FRA10AC1: variants seen among roughly 807,000 people sequenced by gnomAD.
The protein encoded by FRA10AC1 is protein FRA10AC1.
A neutral mutation model predicts 56.5 loss-of-function variants in FRA10AC1; 43 were observed. That is an observed-to-expected ratio of 0.76 (90% CI 0.60 to 0.98). The LOEUF is 0.98. FRA10AC1 is among the 50% of genes least tolerant of loss of function. The pLI is 0.00. For synonymous variants in FRA10AC1, 112 were observed against 110.5 expected (o/e 1.01, Z -0.09); for missense variants, 346 against 351.8 (o/e 0.98, Z 0.13).
intron 11 of FRA10AC1, 52 bp downstream of exon 11, chr10:93,681,428 A>G (rs2058931714): frequency 8.7e-7 from 1 of 1,149,274 alleles, no homozygotes; most frequent in South Asian, 1.4e-5. Context: ...ATGGCAGATT[A>G]TATTTCATGC....
At chr10:93,695,467 A>G (rs2059216304) in intron 4 of FRA10AC1, among the ~76,000 whole-genome samples, 1 of 151,996 alleles carries the variant, frequency 6.6e-6, no homozygotes, top group African/African-American at 2.4e-5. Context: ...ATCAATTTTT[A>G]TAGTCTTTTA....
At chr10:93,702,630 GT>G (rs2059364586), upstream of FRA10AC1, 1 of 194,226 alleles carries the variant, frequency 5.1e-6, no homozygotes, top group Non-Finnish European at 1.1e-5. Context: ...AAATGGCACC[GT>G]CCCCCGAGTG....
chr10:93,692,673 T>G lies in FRA10AC1; in HGVS notation c.353A>C (p.Asn118Thr). The G allele has an allele frequency of 1.2e-6, 2 of 1,600,254 alleles. No homozygotes were observed. The highest frequency in any genetic ancestry group is 1.7e-6 in the Non-Finnish European group (2 of 1,173,498). The stretch of plus-strand genomic sequence containing the variant: ...AGTCATGTCCATTTCGTCCTCCTCA[T>G]TCCATAGGAATCTATGATTTTCTCG... ...VIRENHRFLW[N>T]EEDEMDMTWE... Residue 118 changes from asparagine (N) to threonine (T), a missense_variant, in exon 6 of 14, where the codon AAT becomes ACT. Coordinates refer to ENST00000359204, the MANE Select transcript of FRA10AC1 (RefSeq NM_145246.5).
chr10:93,690,078 C>T (rs1487829803), intron 7 of FRA10AC1, among the ~76,000 whole-genome samples: 2 of 152,048 alleles, frequency 1.3e-5, no homozygotes, highest in Non-Finnish European at 2.9e-5. Flanking sequence ...CTAAAAGTAT[C>T]TACTATATAT....
At chr10:93,679,370 A>C (rs190397635) in intron 11 of FRA10AC1, among the ~76,000 whole-genome samples, 1 of 152,322 alleles carries the variant, frequency 6.6e-6, no homozygotes, top group Admixed American at 6.5e-5. Flanking sequence ...GTAATAATGG[A>C]AAGTGTCAGG....
chr10:93,694,516 C>T lies in FRA10AC1; in HGVS notation c.296+345G>A, dbSNP rs189010189. On this transcript the variant is annotated intron_variant, in intron 5 of 13. Transcript: ENST00000359204. ...GGATCACAAGGTCACGAGTTCAAGACCAGCCTGGCCAAGATGGTGAAACCC... is the reference window on the plus strand; with the variant it reads ...GGATCACAAGGTCACGAGTTCAAGATCAGCCTGGCCAAGATGGTGAAACCC... 2.9e-3 allele frequency among the ~76,000 whole-genome samples: 440 copies of T among 152,026 alleles called. 4 individuals carry two copies. The highest frequency in any genetic ancestry group is 0.02 in the South Asian group (94 of 4,810).
rs1469081964 is a variant in FRA10AC1, at chr10:93,692,233, G to A, written c.381-140C>T. ...TTACTTACATGTGCATGGAATATCT[G>A]GATATTAACTATTAAAAGTGGTTCA... is the stretch of plus-strand genomic sequence containing the variant. On this transcript the variant is annotated intron_variant, in intron 6 of 13. Coordinates refer to ENST00000359204, the MANE Select transcript of FRA10AC1 (RefSeq NM_145246.5). 1.0e-5 allele frequency: 6 copies of A among 599,978 alleles called. No homozygotes were observed. The African/African-American group carries it at 1.2e-4, about 12-fold the overall frequency. The allele number at this position is 599,978 out of a possible 1,614,324, so 37.2% of individuals were successfully genotyped here.
chr10:93,699,510 C>T (rs1326224), intron 2 of FRA10AC1, among the ~76,000 whole-genome samples: 117,708 of 152,136 alleles, frequency 0.77, 45,719 homozygotes, highest in East Asian at 0.93. Flanking sequence ...CTGCTTATAA[C>T]GCACAGGCTT....
chr10:93,702,922 C>T (rs2059368853), upstream of FRA10AC1: 1 of 445,808 alleles, frequency 2.2e-6, no homozygotes, highest in Admixed American at 2.5e-5. Context: ...TCGGAGGATC[C>T]TCTCAGAGCA....
chr10:93,693,497 T>TACC (rs1554896264), intron 5 of FRA10AC1, among the ~76,000 whole-genome samples: 15 of 54,882 alleles, frequency 2.7e-4, no homozygotes, highest in African/African-American at 6.2e-4. Context: ...TATATATATA[T>TACC]ATATATATAT....
chr10:93,700,403 T>C (rs1037293271), intron 1 of FRA10AC1, among the ~76,000 whole-genome samples: 1 of 152,232 alleles, frequency 6.6e-6, no homozygotes, highest in Non-Finnish European at 1.5e-5. Context: ...AGTGACTGCT[T>C]ACAAGGTTTA....
At chr10:93,685,737 C>CA (rs1203418591) in intron 8 of FRA10AC1, among the ~76,000 whole-genome samples, 73 of 149,710 alleles carry the variant, frequency 4.9e-4, no homozygotes, top group African/African-American at 6.4e-4. Context: ...ATACCCCCCC[C>CA]AAAAAAAAAC....
At chr10:93,699,082 G>A (rs2059284637) in intron 2 of FRA10AC1, among the ~76,000 whole-genome samples, 1 of 152,062 alleles carries the variant, frequency 6.6e-6, no homozygotes, top group Admixed American at 6.6e-5. Flanking sequence ...CCAAAAGACT[G>A]GACACCCTGC....
chr10:93,700,175 A>G (rs1480472021), intron 1 of FRA10AC1, 69 bp from the exon 2 acceptor site: 2 of 910,748 alleles, frequency 2.2e-6, no homozygotes, highest in African/African-American at 3.3e-5. Flanking sequence ...AATAATTCAA[A>G]AATAAGTTAT....
At chr10:93,685,437 T>C (rs1209876537) in intron 8 of FRA10AC1, 78 bp from the exon 9 acceptor site, 7 of 685,278 alleles carry the variant, frequency 1.0e-5, no homozygotes, top group Non-Finnish European at 1.0e-5. Flanking sequence ...ACCCCTAAAA[T>C]GTACTTCTAA....
In FRA10AC1 at chr10:93,698,201, T is replaced by A. The variant is rs373266669; in HGVS notation, c.174-20A>T. On this transcript the variant is annotated intron_variant, in intron 3 of 13. Transcript: ENST00000359204. ...TCTTCCCTGTTAAAACAAATTTTTT[T>A]AAGAAAATTCAAAATGTTTATATTC... The A allele has an allele frequency of 3.2e-6, 5 of 1,559,740 alleles. No individual in the cohort carries two copies. The African/African-American group carries it at 4.1e-5, about 13-fold the overall frequency.
chr10:93,700,148 C>A, intron 1 of FRA10AC1, 42 bp from the exon 2 acceptor site: 1 of 1,096,600 alleles, frequency 9.1e-7, no homozygotes, highest in East Asian at 2.4e-5. Context: ...ATCTATGTTG[C>A]CAATTGTCCA....
intron 11 of FRA10AC1, among the ~76,000 whole-genome samples, chr10:93,677,183 C>T (rs185886079): frequency 5.1e-4 from 77 of 152,022 alleles, no homozygotes; most frequent in African/African-American, 1.8e-3. Flanking sequence ...CTACAATGGT[C>T]ATCCAGTGAG....
rs989772961 is a variant in FRA10AC1, at chr10:93,668,570, C to T, written c.*1256G>A. ...ACTGCTGATAAAGACATACCAGAGA[C>T]TGGGGAAGAAAAAGAGGTTTAATTG... On this transcript the variant is annotated 3_prime_UTR_variant, in exon 14 of 14. Transcript: ENST00000359204. The T allele has an allele frequency of 1.6e-4, 24 of 153,600 alleles. No individual in the cohort carries two copies. Among genetic ancestry groups the T allele is most frequent in the African/African-American group, 5.3e-4 (22 of 41,466 alleles). The allele number at this position is 153,600 out of a possible 1,614,324, so 9.5% of individuals were successfully genotyped here.
Sources: gnomAD v4.1 joint callset for allele counts (sites outside exome capture counted in the v4.1 genomes callset) on GRCh38, gnomAD v4.1.1 for gene constraint, MANE v1.5 for transcripts, NCBI Gene and HGNC (gene_info 2026-07-23, HGNC 2026-07-21) for gene names.